Variants in SYT14 observed in about 807,000 individuals in gnomAD.
SYT14 encodes the protein synaptotagmin 14.
In SYT14, 32 loss-of-function variants were observed where a neutral mutation model predicts 74.2. That is an observed-to-expected ratio of 0.43 (90% CI 0.33 to 0.58). The LOEUF is 0.58. SYT14 is among the 20% of genes least tolerant of loss of function. SYT14 has a pLI of 0.05. For synonymous variants in SYT14, 298 were observed against 337.7 expected, an observed-to-expected ratio of 0.88 and a Z score of 1.29; for missense variants, 791 against 981.8, an observed-to-expected ratio of 0.81 and a Z score of 2.60.
chr1:209,938,619 C>A (rs1028597272), intron 1 of SYT14, among the ~76,000 whole-genome samples: 1 of 152,140 alleles, frequency 6.6e-6, no homozygotes, highest in East Asian at 1.9e-4. Flanking sequence ...CCCTGCAGAC[C>A]CCACGGGACG....
intron 9 of SYT14, among the ~76,000 whole-genome samples, chr1:210,160,363 A>G (rs565684160): frequency 6.8e-6 from 1 of 147,654 alleles, no homozygotes; most frequent in African/African-American, 2.4e-5. Flanking sequence ...TATTAATGCT[A>G]TGATGTCCTG....
chr1:210,070,244 A>G (rs1018549091), intron 5 of SYT14, among the ~76,000 whole-genome samples: 9 of 152,108 alleles, frequency 5.9e-5, no homozygotes, highest in Non-Finnish European at 1.3e-4. Context: ...CTGGATCTCA[A>G]ATATGAAAAG....
chr1:210,041,373 A>G (rs1254426175), intron 5 of SYT14, among the ~76,000 whole-genome samples: 2 of 152,184 alleles, frequency 1.3e-5, no homozygotes, highest in Non-Finnish European at 2.9e-5. Flanking sequence ...AATCAAAGCT[A>G]TACTCATACT....
At chr1:210,000,500 A>ACACACACACACACACAC (rs3031236) in intron 2 of SYT14, among the ~76,000 whole-genome samples, 7 of 150,502 alleles carry the variant, frequency 4.7e-5, no homozygotes, top group African/African-American at 1.7e-4. Flanking sequence ...ACACACACAC[A>ACACACACACACACACAC]ATCTAAGAAA....
chr1:209,982,238 C>T (rs574478519), intron 2 of SYT14, among the ~76,000 whole-genome samples: 2 of 152,222 alleles, frequency 1.3e-5, no homozygotes, highest in African/African-American at 2.4e-5. Flanking sequence ...TCACTGCACC[C>T]TTGATCTTTT....
intron 5 of SYT14, among the ~76,000 whole-genome samples, chr1:210,073,656 T>C (rs1211513016): frequency 6.6e-6 from 1 of 152,090 alleles, no homozygotes; most frequent in Non-Finnish European, 1.5e-5. Context: ...TCCATGTATG[T>C]TTTACAGGCC....
intron 2 of SYT14, among the ~76,000 whole-genome samples, chr1:209,997,769 TA>T (rs1352865536): frequency 6.6e-6 from 1 of 152,068 alleles, no homozygotes; most frequent in African/African-American, 2.4e-5. Flanking sequence ...AATAACCATG[TA>T]ACAGGCCTGT....
intron 7 of SYT14, among the ~76,000 whole-genome samples, chr1:210,107,871 T>G (rs2082187464): frequency 1.3e-5 from 2 of 151,996 alleles, no homozygotes; most frequent in African/African-American, 4.8e-5. Context: ...TTATGGTGAT[T>G]TTTTTTTACT....
At chr1:210,105,197 A>G (rs2082137481) in intron 7 of SYT14, among the ~76,000 whole-genome samples, 1 of 152,182 alleles carries the variant, frequency 6.6e-6, no homozygotes, top group African/African-American at 2.4e-5. Context: ...TGATTCTGAT[A>G]TACATTAAAG....
chr1:209,987,036 G>C (rs973811847), intron 2 of SYT14, among the ~76,000 whole-genome samples: 1 of 152,202 alleles, frequency 6.6e-6, no homozygotes, highest in Non-Finnish European at 1.5e-5. Flanking sequence ...CAGTGTGTTT[G>C]TCATTTCCAT....
intron 7 of SYT14, among the ~76,000 whole-genome samples, chr1:210,140,869 C>A (rs2082900264): frequency 6.6e-6 from 1 of 152,134 alleles, no homozygotes; most frequent in Non-Finnish European, 1.5e-5. Flanking sequence ...GTCTATCCTT[C>A]TGCCAGTACC....
At chr1:210,016,143 T>C (rs1294112075) in exon 4 of SYT14, 2 of 1,232,016 alleles carry the variant, frequency 1.6e-6, no homozygotes, top group South Asian at 4.1e-5. Context: ...GCTGAGCAGG[T>C]AACAAGTATG....
chr1:210,017,203 A>G (rs2080203331), intron 4 of SYT14: 10 of 767,322 alleles, frequency 1.3e-5, no homozygotes, highest in Middle Eastern at 8.7e-4. Context: ...TCATGTGTCT[A>G]TATTTAAGAC....
intron 1 of SYT14, among the ~76,000 whole-genome samples, chr1:209,951,863 T>G (rs1231671140): frequency 6.6e-6 from 1 of 152,166 alleles, no homozygotes; most frequent in Non-Finnish European, 1.5e-5. Context: ...AACCTAATAT[T>G]GAAAGAAGTA....
intron 2 of SYT14, among the ~76,000 whole-genome samples, chr1:209,996,719 A>G (rs1352628065): frequency 6.6e-6 from 1 of 152,198 alleles, no homozygotes; most frequent in Non-Finnish European, 1.5e-5. Flanking sequence ...ATCCTCGGCA[A>G]AATACTAGCA....
intron 5 of SYT14, among the ~76,000 whole-genome samples, chr1:210,042,912 G>A (rs376523526): frequency 5.9e-5 from 9 of 152,140 alleles, no homozygotes; most frequent in African/African-American, 2.2e-4. Flanking sequence ...AGCGTGATGA[G>A]GATAGCATTG....
intron 7 of SYT14, among the ~76,000 whole-genome samples, chr1:210,151,513 C>CCTTTTT (rs397863025): frequency 1.5e-5 from 2 of 131,306 alleles, no homozygotes; most frequent in Admixed American, 7.6e-5. Context: ...TGCCCCCCCC[C>CCTTTTT]TTTTTTTTTT....
At chr1:209,958,579 AATG>A (rs749368921) in intron 2 of SYT14, among the ~76,000 whole-genome samples, 54 of 152,166 alleles carry the variant, frequency 3.5e-4, no homozygotes, top group Non-Finnish European at 6.9e-4. Flanking sequence ...ATTCCTCTAT[AATG>A]ATCTTGCATT....
chr1:210,029,854 T>A (rs1208261371), intron 5 of SYT14, among the ~76,000 whole-genome samples: 1 of 152,196 alleles, frequency 6.6e-6, no homozygotes, highest in Non-Finnish European at 1.5e-5. Context: ...CATGTTAACA[T>A]TAAGTTTTCT....
Sources: allele counts gnomAD v4.1 joint callset (sites outside exome capture counted in the v4.1 genomes callset), GRCh38; gene constraint gnomAD v4.1.1; transcripts MANE v1.5; gene names NCBI Gene and HGNC (gene_info 2026-07-23, HGNC 2026-07-21).